The following TMEM164 variants were observed in gnomAD, a reference collection of about 807,000 sequenced individuals.
TMEM164 encodes transmembrane protein 164.
A neutral mutation model predicts 18.8 loss-of-function variants in TMEM164; 4 were observed. The ratio of observed to expected loss-of-function variants is 0.21; its 90% CI spans 0.10 to 0.49. The LOEUF is 0.49. Ranked by LOEUF, TMEM164 falls within the 20% of genes least tolerant of loss-of-function variation. The pLI, the probability that TMEM164 is intolerant of heterozygous loss-of-function variation, is 0.98. For synonymous variants in TMEM164, 86 were observed against 101.7 expected (o/e 0.85, Z 0.93); for missense variants, 108 against 239.9 (o/e 0.45, Z 3.63).
chrX:110,008,625 G>T (rs1932873227), intron 2 of TMEM164, among the ~76,000 whole-genome samples: 1 of 111,525 alleles, frequency 9.0e-6, no homozygotes, highest in African/African-American at 3.3e-5. Flanking sequence ...GTCATTGGGG[G>T]TGTCCATATA....
chrX:110,072,063 G>A (rs374283100), intron 3 of TMEM164, among the ~76,000 whole-genome samples: 5 of 110,449 alleles, frequency 4.5e-5, no homozygotes, highest in African/African-American at 3.3e-5. Context: ...CACTTTGGGA[G>A]GCTGAGGTGG....
chrX:110,082,568 C>T (rs957949759), intron 3 of TMEM164, among the ~76,000 whole-genome samples: 2 of 111,536 alleles, frequency 1.8e-5, no homozygotes, highest in Non-Finnish European at 3.8e-5. Context: ...CTTGGAAAAA[C>T]GTTACATGTC....
chrX:110,003,616 C>A lies in TMEM164; in HGVS notation c.-159C>A. ...AGCCAGCACTTTACCCCGGGCCTTGCGTGTAGCTTCCCCTCCCCTACTCTC... is the reference window on the plus strand; with the variant it reads ...AGCCAGCACTTTACCCCGGGCCTTGAGTGTAGCTTCCCCTCCCCTACTCTC... On this transcript the variant is annotated 5_prime_UTR_variant, in exon 2 of 7. Coordinates refer to ENST00000372068, the MANE Select transcript of TMEM164 (RefSeq NM_032227.4). 3.4e-6 allele frequency: 2 copies of A among 590,598 alleles called. No individual in the cohort carries two copies. The highest frequency in any genetic ancestry group is 2.6e-6 in the Non-Finnish European group (1 of 384,860). 48.7% of individuals were successfully genotyped at this position (590,598 alleles called of 1,213,427 possible).
intron 2 of TMEM164, among the ~76,000 whole-genome samples, chrX:110,053,673 A>C (rs1365083424): frequency 9.0e-6 from 1 of 111,663 alleles, no homozygotes; most frequent in African/African-American, 3.3e-5. Context: ...GATACCATCC[A>C]TCCCTCCCAT....
intron 3 of TMEM164, among the ~76,000 whole-genome samples, chrX:110,108,001 A>G (rs1228901547): frequency 9.2e-6 from 1 of 108,459 alleles, no homozygotes; most frequent in Non-Finnish European, 1.9e-5. Context: ...GTGCCAAGAG[A>G]AGAGGTAAAG....
intron 5 of TMEM164, among the ~76,000 whole-genome samples, chrX:110,161,227 C>T (rs2067089459): frequency 8.9e-6 from 1 of 111,887 alleles, no homozygotes; most frequent in South Asian, 3.7e-4. Flanking sequence ...AGCTCAAAAA[C>T]TGGCCCCAAG....
At position 110,058,559 on chromosome X, in the gene TMEM164, G is replaced by T. The variant is rs772737468; in HGVS notation, c.391-8788G>T. On this transcript the variant is annotated intron_variant, in intron 2 of 6. Coordinates refer to ENST00000372068, the MANE Select transcript of TMEM164 (RefSeq NM_032227.4). ...ACTCCTATTAGATACATGATTTGCA[G>T]ATTTTTTCTCCCATTCTTTGGGTCC... Among the ~76,000 whole-genome samples, 7 of 104,150 alleles carry T rather than the reference G, an allele frequency of 6.7e-5. No homozygotes were observed. In the South Asian group the frequency reaches 3.0e-3, roughly 45 times the overall value. The allele number at this position is 104,150 out of a possible 115,157, so 90.4% of individuals were successfully genotyped here.
intron 3 of TMEM164, among the ~76,000 whole-genome samples, chrX:110,081,771 T>C (rs1326484322): frequency 8.9e-6 from 1 of 112,663 alleles, no homozygotes; most frequent in Non-Finnish European, 1.9e-5. Flanking sequence ...CTATCTCTCT[T>C]GCTTTCTCTA....
intron 3 of TMEM164, among the ~76,000 whole-genome samples, chrX:110,094,301 A>G (rs963504222): frequency 2.7e-5 from 3 of 111,498 alleles, no homozygotes; most frequent in African/African-American, 6.5e-5. Flanking sequence ...GTCTCCTATT[A>G]TTATTGTGTG....
intron 4 of TMEM164, among the ~76,000 whole-genome samples, chrX:110,129,150 T>C (rs2066577076): frequency 8.9e-6 from 1 of 112,108 alleles, no homozygotes; most frequent in African/African-American, 3.2e-5. Flanking sequence ...TAGTATACAT[T>C]CACTTTTCAA....
rs778328449 is a variant in TMEM164, at chrX:110,094,264, G to A, written c.441-14816G>A. On this transcript the variant is annotated intron_variant, in intron 3 of 6. Coordinates refer to ENST00000372068, the MANE Select transcript of TMEM164 (RefSeq NM_032227.4). Reference sequence around the variant, plus strand: ...CCTTAACTTTCTGTCTCATTGATCTGTCTAATGTTGACAGTGGGGAGTTAA... The same window carrying A: ...CCTTAACTTTCTGTCTCATTGATCTATCTAATGTTGACAGTGGGGAGTTAA... 2.7e-5 allele frequency among the ~76,000 whole-genome samples: 3 copies of A among 111,714 alleles called. No homozygotes were observed. In the East Asian group the frequency reaches 8.4e-4, roughly 31 times the overall value.
At chrX:110,167,606 GGTTT>G (rs1301761110) in intron 5 of TMEM164, among the ~76,000 whole-genome samples, 1 of 111,289 alleles carries the variant, frequency 9.0e-6, no homozygotes, top group Non-Finnish European at 1.9e-5. Context: ...AAATTAGGGT[GGTTT>G]GTTGGAGTTT....
chrX:110,093,888 C>T (rs2065972396), intron 3 of TMEM164, among the ~76,000 whole-genome samples: 1 of 111,727 alleles, frequency 9.0e-6, no homozygotes, highest in Admixed American at 9.5e-5. Context: ...TATGTTATGT[C>T]TTTGTTCTCA....
At chrX:110,123,068 C>T (rs2066474245) in intron 4 of TMEM164, among the ~76,000 whole-genome samples, 1 of 111,619 alleles carries the variant, frequency 9.0e-6, no homozygotes, top group Non-Finnish European at 1.9e-5. Context: ...GGTCTATGAT[C>T]CATTTTGAGT....
Position 110,176,279 on chromosome X carries a change from C to A in TMEM164, c.*2828C>A. 1 of 756,239 alleles carries A rather than the reference C, an allele frequency of 1.3e-6. No individual in the cohort carries two copies. 62.3% of individuals were successfully genotyped at this position (756,239 alleles called of 1,213,427 possible). A position where few individuals can be genotyped will look rare whatever the true frequency, so the allele number is the denominator to read the frequency against. On this transcript the variant is annotated 3_prime_UTR_variant, in exon 7 of 7. Transcript: ENST00000372068. ...GGCATCCACTCCAAATAGCAGAGACCCAGTCACGCCTGCTTCTGGTCCTCC... is the reference window on the plus strand; with the variant it reads ...GGCATCCACTCCAAATAGCAGAGACACAGTCACGCCTGCTTCTGGTCCTCC...
intron 3 of TMEM164, among the ~76,000 whole-genome samples, chrX:110,098,950 ATTTTTTTT>A (rs772519388): frequency 2.4e-5 from 2 of 85,064 alleles, no homozygotes; most frequent in East Asian, 3.4e-4. Context: ...CACCCGGCTA[ATTTTTTTT>A]TTTTTTTTTT....
At chrX:110,021,466 C>A (rs888578299) in intron 2 of TMEM164, among the ~76,000 whole-genome samples, 11 of 110,966 alleles carry the variant, frequency 9.9e-5, no homozygotes, top group African/African-American at 3.3e-4. Flanking sequence ...GGCCAAGAGG[C>A]AGGCAGGGGC....
intron 4 of TMEM164, among the ~76,000 whole-genome samples, chrX:110,112,231 G>A (rs1368613900): frequency 1.8e-5 from 2 of 111,533 alleles, no homozygotes; most frequent in South Asian, 3.7e-4. Flanking sequence ...TACTTGGGAG[G>A]CTGAGGCAGG....
intron 2 of TMEM164, among the ~76,000 whole-genome samples, chrX:110,009,154 G>A (rs1932891258): frequency 8.9e-6 from 1 of 112,127 alleles, no homozygotes; most frequent in South Asian, 3.7e-4. Context: ...ATAACAGTAT[G>A]TTGCTGGCCC....
Sources: allele counts gnomAD v4.1 joint callset (sites outside exome capture counted in the v4.1 genomes callset), GRCh38; gene constraint gnomAD v4.1.1; transcripts MANE v1.5; gene names NCBI Gene and HGNC (gene_info 2026-07-23, HGNC 2026-07-21).